Variants in NOL4 observed in about 807,000 individuals in gnomAD.
NOL4 encodes cancer/testis antigen 125.
A neutral mutation model predicts 75.9 loss-of-function variants in NOL4; 17 were observed. The ratio of observed to expected loss-of-function variants is 0.22; its 90% CI spans 0.15 to 0.34. NOL4 has a LOEUF of 0.34. NOL4 is among the 10% of genes least tolerant of loss of function. The pLI, the probability that NOL4 is intolerant of heterozygous loss-of-function variation, is 1.00. For synonymous variants in NOL4, 292 were observed against 289.9 expected, an observed-to-expected ratio of 1.01 and a Z score of -0.07; for missense variants, 614 against 793.5, an observed-to-expected ratio of 0.77 and a Z score of 2.72.
intron 9 of NOL4, among the ~76,000 whole-genome samples, chr18:33,922,769 A>AT (rs1487850982): frequency 6.6e-6 from 1 of 152,170 alleles, no homozygotes; most frequent in Non-Finnish European, 1.5e-5. Flanking sequence ...TAACAAGCTA[A>AT]TTTTTTAATG....
intron 8 of NOL4, among the ~76,000 whole-genome samples, chr18:33,947,565 A>C (rs1448097478): frequency 1.3e-5 from 2 of 151,764 alleles, no homozygotes; most frequent in South Asian, 4.2e-4. Context: ...TTTGATATCT[A>C]TCTCTCTCTT....
intron 5 of NOL4, among the ~76,000 whole-genome samples, chr18:34,026,868 G>A (rs1365418416): frequency 6.6e-6 from 1 of 152,080 alleles, no homozygotes; most frequent in African/African-American, 2.4e-5. Flanking sequence ...GACAAACATA[G>A]TATTAGAAAC....
At chr18:34,047,289 G>A (rs2076422844) in intron 5 of NOL4, among the ~76,000 whole-genome samples, 1 of 152,052 alleles carries the variant, frequency 6.6e-6, no homozygotes, top group Admixed American at 6.6e-5. Flanking sequence ...TATGATAATA[G>A]CTATATTTAG....
intron 4 of NOL4, among the ~76,000 whole-genome samples, chr18:34,102,427 T>A (rs2079080649): frequency 6.6e-6 from 1 of 152,084 alleles, no homozygotes; most frequent in South Asian, 2.1e-4. Context: ...TAACCTCTTT[T>A]TCATCTTTCA....
intron 6 of NOL4, among the ~76,000 whole-genome samples, chr18:33,995,818 A>C (rs866989101): frequency 6.6e-6 from 1 of 151,900 alleles, no homozygotes; most frequent in East Asian, 1.9e-4. Flanking sequence ...ATTTGTATTC[A>C]TGAAGATTGG....
At chr18:33,957,003 C>T (rs560674337) in intron 8 of NOL4, among the ~76,000 whole-genome samples, 9 of 152,030 alleles carry the variant, frequency 5.9e-5, no homozygotes, top group Admixed American at 1.3e-4. Context: ...ACTTTAGTAG[C>T]GACAGAAAGA....
chr18:33,890,276 TAC>T (rs1370497649), intron 9 of NOL4, among the ~76,000 whole-genome samples: 1 of 152,116 alleles, frequency 6.6e-6, no homozygotes, highest in African/African-American at 2.4e-5. Flanking sequence ...CATTCACAAT[TAC>T]TACAAAGAGA....
intron 5 of NOL4, among the ~76,000 whole-genome samples, chr18:34,073,941 G>A (rs1249299092): frequency 1.3e-5 from 2 of 151,814 alleles, no homozygotes; most frequent in African/African-American, 2.4e-5. Context: ...TAAATTGGGA[G>A]GATAGGGGAG....
intron 6 of NOL4, chr18:34,001,667 T>C (rs1243680612): frequency 6.6e-6 from 1 of 152,126 alleles, no homozygotes; most frequent in Non-Finnish European, 1.5e-5. Context: ...TGTTCGATGA[T>C]GACATTTCTT....
chr18:33,922,303 G>T (rs962776606), intron 9 of NOL4, among the ~76,000 whole-genome samples: 1 of 152,062 alleles, frequency 6.6e-6, no homozygotes, highest in Non-Finnish European at 1.5e-5. Flanking sequence ...TCTTAACATT[G>T]CCCTCCTTCA....
At chr18:34,219,236 A>T (rs1568461799) in intron 1 of NOL4, among the ~76,000 whole-genome samples, 1 of 152,230 alleles carries the variant, frequency 6.6e-6, no homozygotes, top group Non-Finnish European at 1.5e-5. Flanking sequence ...CATAATTTAG[A>T]CCTTTGTGTC....
At chr18:33,922,938 T>A (rs770163347) in intron 9 of NOL4, among the ~76,000 whole-genome samples, 2 of 152,178 alleles carry the variant, frequency 1.3e-5, no homozygotes, top group Non-Finnish European at 1.5e-5. Flanking sequence ...TACATCCTTT[T>A]GTAATTATTG....
chr18:34,019,581 A>T lies in NOL4; in HGVS notation c.793T>A (p.Phe265Ile), dbSNP rs1183535089. 6.2e-7 allele frequency: 1 copy of T among 1,612,754 alleles called. No individual in the cohort carries two copies. Among genetic ancestry groups the T allele is most frequent in the South Asian group, 1.1e-5 (1 of 91,010 alleles). ...TGCCCCAGAGTCTCATTGCCATTAA[A>T]GCTCTCTGCAGCAGAATCATCTGTT... ...QQDDDSAAES[F>I]NGNETLGHSS... Residue 265 changes from phenylalanine to isoleucine, a missense_variant, in exon 6 of 11, where the codon TTT (phenylalanine) becomes ATT (isoleucine). Phe to Ile is a conservative substitution (Grantham distance 21). Transcript: ENST00000261592.
chr18:34,047,789 C>T (rs558632226), intron 5 of NOL4, among the ~76,000 whole-genome samples: 8 of 152,138 alleles, frequency 5.3e-5, no homozygotes, highest in South Asian at 2.1e-4. Context: ...CCCACATAGA[C>T]GTAGACATCC....
At chr18:33,925,519 T>A (rs2067271916) in intron 9 of NOL4, among the ~76,000 whole-genome samples, 1 of 152,162 alleles carries the variant, frequency 6.6e-6, no homozygotes, top group Non-Finnish European at 1.5e-5. Context: ...CTTCTCAAAT[T>A]TGCTTGATAG....
intron 5 of NOL4, among the ~76,000 whole-genome samples, chr18:34,084,816 G>A (rs73416395): frequency 0.019 from 2,885 of 152,122 alleles, 105 homozygotes; most frequent in African/African-American, 0.065. Context: ...TTACCCCTAC[G>A]TTGTAGTTGA....
At chr18:33,904,256 C>T (rs1007911206) in intron 9 of NOL4, among the ~76,000 whole-genome samples, 2 of 151,934 alleles carry the variant, frequency 1.3e-5, no homozygotes, top group African/African-American at 2.4e-5. Context: ...GCCACACTAC[C>T]CCAGCAATGA....
chr18:34,202,198 G>T (rs191803548), intron 1 of NOL4, among the ~76,000 whole-genome samples: 1 of 151,876 alleles, frequency 6.6e-6, no homozygotes, highest in African/African-American at 2.4e-5. Context: ...TTAAGCACTT[G>T]CTCTGAGTTA....
At chr18:34,002,303 C>T (rs562072118) in intron 6 of NOL4, among the ~76,000 whole-genome samples, 1 of 152,158 alleles carries the variant, frequency 6.6e-6, no homozygotes, top group South Asian at 2.1e-4. Context: ...CACTGATGTT[C>T]TTTCAGTTCC....
Sources: allele counts gnomAD v4.1 joint callset (sites outside exome capture counted in the v4.1 genomes callset), GRCh38; gene constraint gnomAD v4.1.1; transcripts MANE v1.5; gene names NCBI Gene and HGNC (gene_info 2026-07-23, HGNC 2026-07-21).